RAB31: variants seen among roughly 807,000 people sequenced by gnomAD.
The protein encoded by RAB31 is RAB31, member RAS oncogene family, also known as ras-related protein Rab-31.
RAB31 carries 21 observed loss-of-function variants against 25.6 expected under a neutral mutation model. That is an observed-to-expected ratio of 0.82 (90% confidence interval 0.58 to 1.18). RAB31 has a LOEUF of 1.18. Ranked by LOEUF, RAB31 falls within the 50% of genes most tolerant of loss-of-function variation. The pLI is 0.00. For synonymous variants in RAB31, 87 were observed against 84.0 expected, an observed-to-expected ratio of 1.04 and a Z score of -0.20; for missense variants, 196 against 250.1, an observed-to-expected ratio of 0.78 and a Z score of 1.46.
intron 1 of RAB31, among the ~76,000 whole-genome samples, chr18:9,768,016 A>G (rs1031489998): frequency 5.3e-5 from 8 of 152,166 alleles, no homozygotes; most frequent in Non-Finnish European, 1.0e-4. Flanking sequence ...GATGGTTTCC[A>G]GCTTCATCCG....
chr18:9,831,301 T>C (rs2143108241), intron 5 of RAB31, among the ~76,000 whole-genome samples: 1 of 152,314 alleles, frequency 6.6e-6, no homozygotes, highest in South Asian at 2.1e-4. Context: ...GCCACTGGGG[T>C]TTCTTTCTGT....
intron 6 of RAB31, among the ~76,000 whole-genome samples, chr18:9,855,061 G>C (rs1199949565): frequency 6.6e-6 from 1 of 152,186 alleles, no homozygotes. Context: ...GCTGGTCCAC[G>C]GGGAAAGGGA....
intron 5 of RAB31, among the ~76,000 whole-genome samples, chr18:9,841,796 T>C (rs770131911): frequency 6.6e-6 from 1 of 152,120 alleles, no homozygotes; most frequent in African/African-American, 2.4e-5. Context: ...TAACATGTCA[T>C]GTAAGGATTA....
At chr18:9,833,640 T>C (rs2068690262) in intron 5 of RAB31, among the ~76,000 whole-genome samples, 3 of 152,224 alleles carry the variant, frequency 2.0e-5, no homozygotes, top group African/African-American at 2.4e-5. Flanking sequence ...TTCTGGCACA[T>C]ACACGATTTC....
At chr18:9,752,670 A>C (rs2068241389) in intron 1 of RAB31, among the ~76,000 whole-genome samples, 1 of 152,214 alleles carries the variant, frequency 6.6e-6, no homozygotes, top group Admixed American at 6.5e-5. Flanking sequence ...TCATTCTTCT[A>C]AAGTTTCTAT....
chr18:9,708,585 C>A lies in RAB31; in HGVS notation c.39+141C>A. 1 of 684,520 alleles carries A rather than the reference C, an allele frequency of 1.5e-6. No individual in the cohort carries two copies. The highest frequency in any genetic ancestry group is 2.2e-6 in the Non-Finnish European group (1 of 458,904). 42.4% of individuals were successfully genotyped at this position (684,520 alleles called of 1,614,324 possible). ...GTAGCCCCCGTCCCCCTCGTCCGCG[C>A]GCCCCCTGGTTCCCCGGGTCCCCCT... On this transcript the variant is annotated intron_variant, in intron 1 of 6. Transcript: ENST00000578921. The surrounding 1 kb of genome is among the most constrained non-coding windows in gnomAD (Gnocchi z 6.4).
At position 9,861,666 on chromosome 18, in the gene RAB31, A is replaced by C. The variant is rs1333154715; in HGVS notation, c.*2341A>C. 3 of 152,338 alleles carry C rather than the reference A, an allele frequency of 2.0e-5. No homozygotes were observed. In the East Asian group the frequency reaches 5.8e-4, roughly 29 times the overall value. 9.4% of individuals were successfully genotyped at this position (152,338 alleles called of 1,614,324 possible). Reference sequence around the variant, plus strand: ...ATGTAATATTATGTAAAGGCCTGGAAATTACTGTTGCTAAAAAAAGTCATG... The same window carrying C: ...ATGTAATATTATGTAAAGGCCTGGACATTACTGTTGCTAAAAAAAGTCATG... On this transcript the variant is annotated 3_prime_UTR_variant, in exon 7 of 7. Transcript: ENST00000578921.
chr18:9,750,190 C>T (rs771565205), intron 1 of RAB31, among the ~76,000 whole-genome samples: 3 of 152,100 alleles, frequency 2.0e-5, no homozygotes, highest in Non-Finnish European at 2.9e-5. Flanking sequence ...ATGGGAAACA[C>T]GCTGATGCCA....
intron 3 of RAB31, among the ~76,000 whole-genome samples, chr18:9,796,447 T>C (rs2068487594): frequency 6.6e-6 from 1 of 152,218 alleles, no homozygotes; most frequent in Non-Finnish European, 1.5e-5. Context: ...ATGCACCTAA[T>C]CTTAATCTAA....
chr18:9,720,835 A>G (rs554277234), intron 1 of RAB31, among the ~76,000 whole-genome samples: 1 of 152,282 alleles, frequency 6.6e-6, no homozygotes, highest in East Asian at 1.9e-4. Context: ...TACACTGGTA[A>G]TGAAATTGGA....
At chr18:9,728,774 G>A (rs2068107451) in intron 1 of RAB31, among the ~76,000 whole-genome samples, 1 of 152,148 alleles carries the variant, frequency 6.6e-6, no homozygotes, top group South Asian at 2.1e-4. Flanking sequence ...CTGACCTCAC[G>A]TGATGCACCC....
At chr18:9,822,414 C>T (rs903600496) in intron 5 of RAB31, among the ~76,000 whole-genome samples, 2 of 152,104 alleles carry the variant, frequency 1.3e-5, no homozygotes, top group Non-Finnish European at 2.9e-5. Context: ...AGTTCTTAGA[C>T]TTATCATTAA....
chr18:9,834,152 G>A (rs1262503928), intron 5 of RAB31, among the ~76,000 whole-genome samples: 1 of 151,570 alleles, frequency 6.6e-6, no homozygotes, highest in Admixed American at 6.6e-5. Flanking sequence ...TTTCACTCTT[G>A]TTGCCCAGGC....
intron 1 of RAB31, chr18:9,722,595 T>A (rs955888000): frequency 6.6e-6 from 1 of 152,246 alleles, no homozygotes; most frequent in Non-Finnish European, 1.5e-5. Flanking sequence ...GCACAGTTTA[T>A]GTGTACCCTT....
chr18:9,709,777 TTCTC>T (rs759899633), intron 1 of RAB31, among the ~76,000 whole-genome samples: 6 of 152,226 alleles, frequency 3.9e-5, no homozygotes, highest in Non-Finnish European at 7.3e-5. Context: ...AGTCTGGTCT[TTCTC>T]TGTTGACCTT....
At chr18:9,755,096 A>G (rs1467596620) in intron 1 of RAB31, among the ~76,000 whole-genome samples, 1 of 152,196 alleles carries the variant, frequency 6.6e-6, no homozygotes, top group Non-Finnish European at 1.5e-5. Context: ...TCTGTCATAG[A>G]ATTAGATTGA....
intron 3 of RAB31, among the ~76,000 whole-genome samples, chr18:9,793,997 C>G: frequency 6.6e-6 from 1 of 152,134 alleles, no homozygotes; most frequent in Non-Finnish European, 1.5e-5. Flanking sequence ...GTGGTGCAAT[C>G]ACAGCTCACC....
chr18:9,833,000 G>A lies in RAB31; in HGVS notation c.381-12582G>A, dbSNP rs145384838. Reference sequence around the variant, plus strand: ...GTGATGGGGTCTCACGGGAGTCCACGGAGGAGAACGCCTACTGCCTGGACC... The same window carrying A: ...GTGATGGGGTCTCACGGGAGTCCACAGAGGAGAACGCCTACTGCCTGGACC... On this transcript the variant is annotated intron_variant, in intron 5 of 6. Coordinates refer to ENST00000578921, the MANE Select transcript of RAB31 (RefSeq NM_006868.4). Among the ~76,000 whole-genome samples, 691 of 152,200 alleles carry A rather than the reference G, an allele frequency of 4.5e-3. 2 individuals carry two copies. Among genetic ancestry groups the A allele is most frequent in the Middle Eastern group, 6.8e-3 (2 of 294 alleles).
Position 9,826,418 on chromosome 18 carries a change from A to T in RAB31, c.380+11196A>T, listed in dbSNP as rs563733328. ...ACAAACAAAAAAGTTGAAATTATTT[A>T]AAAAAACACACACACAAAACACAAA... is the stretch of plus-strand genomic sequence containing the variant. On this transcript the variant is annotated intron_variant, in intron 5 of 6. Transcript: ENST00000578921. 5.3e-5 allele frequency among the ~76,000 whole-genome samples: 6 copies of T among 112,564 alleles called. 1 individual carries two copies. In the South Asian group the frequency reaches 6.7e-4, roughly 13 times the overall value. The allele number at this position is 112,564 out of a possible 152,430, so 73.8% of individuals were successfully genotyped here. A position where few individuals can be genotyped will look rare whatever the true frequency, so the allele number is the denominator to read the frequency against.
Sources: allele counts gnomAD v4.1 joint callset (sites outside exome capture counted in the v4.1 genomes callset), GRCh38; gene constraint gnomAD v4.1.1; non-coding constraint Gnocchi (gnomAD v3.1); transcripts MANE v1.5; gene names NCBI Gene and HGNC (gene_info 2026-07-23, HGNC 2026-07-21).